The following QTMAN variants were observed in gnomAD, a reference collection of about 807,000 sequenced individuals.
The protein encoded by QTMAN is queuosine-tRNA mannosyltransferase.
the QTMAN span, among the ~76,000 whole-genome samples, chr2:144,320,846 C>T: frequency 6.6e-6 from 1 of 152,154 alleles, no homozygotes; most frequent in Admixed American, 6.5e-5. Context: ...CATATTCCAA[C>T]ACTCCTCTTG....
chr2:144,274,984 A>G, the QTMAN span, among the ~76,000 whole-genome samples: 4 of 152,176 alleles, frequency 2.6e-5, no homozygotes, highest in Non-Finnish European at 1.5e-5. Flanking sequence ...GAATTTAATT[A>G]TAGGACACCC....
chr2:143,999,494 G>C, the QTMAN span, among the ~76,000 whole-genome samples: 1 of 151,818 alleles, frequency 6.6e-6, no homozygotes, highest in Non-Finnish European at 1.5e-5. Flanking sequence ...GTGGAAAAAG[G>C]CTTAGTGACC....
At chr2:144,141,196 A>G in the QTMAN span, among the ~76,000 whole-genome samples, 2 of 151,956 alleles carry the variant, frequency 1.3e-5, no homozygotes, top group African/African-American at 4.8e-5. Context: ...ACAAGGGAGA[A>G]ATATTCCTAG....
chr2:144,183,986 G>A, the QTMAN span, among the ~76,000 whole-genome samples: 5 of 152,164 alleles, frequency 3.3e-5, no homozygotes, highest in Non-Finnish European at 4.4e-5. Context: ...GTACAGTGGC[G>A]TGATTGAGCG....
the QTMAN span, among the ~76,000 whole-genome samples, chr2:144,213,608 T>C: frequency 6.6e-6 from 1 of 152,176 alleles, no homozygotes; most frequent in African/African-American, 2.4e-5. Flanking sequence ...GAAGGTATAG[T>C]TTCAGTGATG....
At chr2:144,118,323 C>T in the QTMAN span, among the ~76,000 whole-genome samples, 1 of 152,112 alleles carries the variant, frequency 6.6e-6, no homozygotes, top group Non-Finnish European at 1.5e-5. Flanking sequence ...TTACAGTAAG[C>T]AACTACTACA....
the QTMAN span, among the ~76,000 whole-genome samples, chr2:144,138,671 A>G: frequency 6.6e-6 from 1 of 152,078 alleles, no homozygotes; most frequent in Non-Finnish European, 1.5e-5. Flanking sequence ...ATATGCACCC[A>G]GAAGAAGCAC....
the QTMAN span, among the ~76,000 whole-genome samples, chr2:144,001,334 T>C: frequency 5.9e-5 from 9 of 152,092 alleles, no homozygotes; most frequent in East Asian, 1.7e-3. Flanking sequence ...TTATGGTACA[T>C]GTTTTACTTC....
At chr2:143,967,742 C>G in the QTMAN span, among the ~76,000 whole-genome samples, 1 of 151,990 alleles carries the variant, frequency 6.6e-6, no homozygotes, top group Non-Finnish European at 1.5e-5. Flanking sequence ...GAATGGTGAG[C>G]TGGGGAAAAA....
At chr2:144,232,092 G>A in the QTMAN span, among the ~76,000 whole-genome samples, 10 of 152,088 alleles carry the variant, frequency 6.6e-5, no homozygotes, top group East Asian at 1.5e-3. Context: ...CATTTTAGTA[G>A]CTCTGCATAA....
At chr2:144,242,543 T>C in the QTMAN span, among the ~76,000 whole-genome samples, 1 of 152,204 alleles carries the variant, frequency 6.6e-6, no homozygotes, top group Non-Finnish European at 1.5e-5. Context: ...AAATGTTTTA[T>C]GCAACATTAA....
At chr2:144,081,422 T>A in the QTMAN span, among the ~76,000 whole-genome samples, 3,606 of 152,208 alleles carry the variant, frequency 0.024, 58 homozygotes, top group Middle Eastern at 0.058. Context: ...AAGGTCCAAA[T>A]AAGTTCTGGA....
the QTMAN span, among the ~76,000 whole-genome samples, chr2:144,230,826 G>A: frequency 3.3e-5 from 5 of 152,064 alleles, no homozygotes; most frequent in African/African-American, 1.2e-4. Flanking sequence ...TGGGAAATAT[G>A]AGAAGATTTA....
At chr2:143,997,703 GAGTAA>G in the QTMAN span, among the ~76,000 whole-genome samples, 94 of 152,146 alleles carry the variant, frequency 6.2e-4, 2 homozygotes, top group Middle Eastern at 3.4e-3. Flanking sequence ...ACAACTCAGA[GAGTAA>G]AGTAAACTAG....
chr2:144,116,310 G>C, the QTMAN span, among the ~76,000 whole-genome samples: 1 of 126,522 alleles, frequency 7.9e-6, no homozygotes, highest in Non-Finnish European at 1.7e-5. Context: ...TGGGGGGGTG[G>C]GGGGGAGTAG....
chr2:143,990,262 A>C, the QTMAN span, among the ~76,000 whole-genome samples: 1 of 152,328 alleles, frequency 6.6e-6, no homozygotes, highest in African/African-American at 2.4e-5. Flanking sequence ...TTTAATTGGT[A>C]TAAGGTAGAC....
chr2:144,320,660 T>C, the QTMAN span, among the ~76,000 whole-genome samples: 2 of 152,208 alleles, frequency 1.3e-5, no homozygotes, highest in African/African-American at 4.8e-5. Context: ...TTCTCTGTAA[T>C]GGACTTCCTG....
the QTMAN span, among the ~76,000 whole-genome samples, chr2:144,153,837 T>A: frequency 1.3e-5 from 2 of 152,182 alleles, no homozygotes; most frequent in Admixed American, 6.5e-5. Context: ...AAACCACGTA[T>A]CGTGCAAGGT....
chr2:144,074,360 C>T, the QTMAN span, among the ~76,000 whole-genome samples: 1 of 152,108 alleles, frequency 6.6e-6, no homozygotes, highest in African/African-American at 2.4e-5. Flanking sequence ...TCATATTAAC[C>T]TGTGACTGAT....
Sources: gnomAD v4.1 joint callset for allele counts (sites outside exome capture counted in the v4.1 genomes callset) on GRCh38, gnomAD v4.1.1 for gene constraint, MANE v1.5 for transcripts, NCBI Gene and HGNC (gene_info 2026-07-23, HGNC 2026-07-21) for gene names.